ANGPTL6: variants seen among roughly 807,000 people sequenced by gnomAD.
ANGPTL6 encodes the protein angiopoietin like 6.
ANGPTL6 carries 45 observed loss-of-function variants against 47.4 expected under a neutral mutation model. The ratio of observed to expected loss-of-function variants is 0.95; its 90% CI spans 0.75 to 1.22. ANGPTL6 has a LOEUF of 1.22. Ranked by LOEUF, ANGPTL6 falls within the 50% of genes most tolerant of loss-of-function variation. The pLI is 0.00. For synonymous variants in ANGPTL6, 290 were observed against 295.9 expected (o/e 0.98, Z 0.20); for missense variants, 698 against 669.4 (o/e 1.04, Z -0.47).
At chr19:10,103,900 C>T (rs933783660), upstream of ANGPTL6, among the ~76,000 whole-genome samples, 3 of 151,264 alleles carry the variant, frequency 2.0e-5, no homozygotes, top group African/African-American at 7.2e-5. Flanking sequence ...CGAGACCAGC[C>T]TGGCCAAGAT....
At chr19:10,102,745 G>C, upstream of ANGPTL6, 1 of 984,678 alleles carries the variant, frequency 1.0e-6, no homozygotes, top group Non-Finnish European at 1.2e-6. Flanking sequence ...GTGGAGCTGG[G>C]ATGCTGGGCC....
chr19:10,096,352 C>T lies in ANGPTL6; in HGVS notation c.212G>A (p.Arg71His). 1 of 1,285,984 alleles carries T rather than the reference C, an allele frequency of 7.8e-7. No homozygotes were observed. Among genetic ancestry groups the T allele is most frequent in the Non-Finnish European group, 9.8e-7 (1 of 1,021,546 alleles). 79.7% of individuals were successfully genotyped at this position (1,285,984 alleles called of 1,614,324 possible). A position where few individuals can be genotyped will look rare whatever the true frequency, so the allele number is the denominator to read the frequency against. The change falls in exon 2 of 6, where the codon CGC becomes CAC. Residue 71 changes from arginine to histidine, a missense_variant. By Grantham distance (29) the Arg-to-His change is conservative. Transcript: ENST00000253109. ...ELAALRMRVG[R>H]HEELLRELQR... ...CAGCTCGCGTAACAGCTCCTCGTGG[C>T]GGCCGACGCGCATGCGCAGCGCCGC... is the stretch of plus-strand genomic sequence containing the variant.
chr19:10,105,616 G>T (rs887157824), upstream of ANGPTL6, among the ~76,000 whole-genome samples: 1 of 151,684 alleles, frequency 6.6e-6, no homozygotes, highest in Admixed American at 6.6e-5. Flanking sequence ...GGGAAGACGA[G>T]GGGGAGGGGA....
At chr19:10,105,863 T>C (rs2088807091), upstream of ANGPTL6, among the ~76,000 whole-genome samples, 1 of 152,138 alleles carries the variant, frequency 6.6e-6, no homozygotes, top group African/African-American at 2.4e-5. Flanking sequence ...TTCCAGAAGG[T>C]GATGTGGAGT....
rs746059420 is a variant in ANGPTL6, at chr19:10,093,516, C to A, written c.1055G>T (p.Trp352Leu). Residue 352 changes from tryptophan to leucine, a missense_variant, in exon 5 of 6, where the codon TGG becomes TTG. Coordinates refer to ENST00000253109, the MANE Select transcript of ANGPTL6 (RefSeq NM_031917.3). The part of the protein sequence containing the change: ...DHELLVLLED[W>L]GGRGARAHYD... ...GTGGGCACGTGCTCCACGGCCCCCCCAGTCCTCCAGGAGAACCAGCAGCTC... is the reference window on the plus strand; with the variant it reads ...GTGGGCACGTGCTCCACGGCCCCCCAAGTCCTCCAGGAGAACCAGCAGCTC... 8 of 1,614,210 alleles carry A rather than the reference C, an allele frequency of 5.0e-6. No individual in the cohort carries two copies. The highest frequency in any genetic ancestry group is 1.3e-5 in the African/African-American group (1 of 75,076).
At chr19:10,103,956 G>A (rs1285972378), upstream of ANGPTL6, among the ~76,000 whole-genome samples, 2 of 151,590 alleles carry the variant, frequency 1.3e-5, no homozygotes, top group Non-Finnish European at 2.9e-5. Context: ...TGCCGGGTGT[G>A]GTGGCCCATG....
Position 10,102,648 on chromosome 19 carries a change from G to T in ANGPTL6, c.-91C>A. On this transcript the variant is annotated 5_prime_UTR_variant, in exon 1 of 6. Coordinates refer to ENST00000253109, the MANE Select transcript of ANGPTL6 (RefSeq NM_031917.3). ...AAGGAAGAGCCGAGGGTCCAGTGGG[G>T]CCTCTGAGCTAGAGACGGGGAGAGG... The T allele has an allele frequency of 4.1e-6, 4 of 984,782 alleles. No individual in the cohort carries two copies. The highest frequency in any genetic ancestry group is 4.8e-6 in the Non-Finnish European group (4 of 829,472). The allele number at this position is 984,782 out of a possible 1,614,324, so 61.0% of individuals were successfully genotyped here.
chr19:10,102,394 C>T (rs1001632745), intron 1 of ANGPTL6, among the ~76,000 whole-genome samples, 174 bp downstream of exon 1: 2 of 151,236 alleles, frequency 1.3e-5, no homozygotes, highest in Non-Finnish European at 3.0e-5. Flanking sequence ...CATGCCCCAC[C>T]CCCCACAACA....
chr19:10,106,185 G>C (rs2088815652), upstream of ANGPTL6: 10 of 835,674 alleles, frequency 1.2e-5, no homozygotes, highest in South Asian at 1.7e-4. Context: ...GCCCGGAGCC[G>C]CGTAGCCCCG....
chr19:10,102,555 C>T lies in ANGPTL6; in HGVS notation c.-11+13G>A. The T allele has an allele frequency of 1.0e-6, 1 of 984,242 alleles. No homozygotes were observed. Among genetic ancestry groups the T allele is most frequent in the Non-Finnish European group, 1.2e-6 (1 of 828,968 alleles). The allele number at this position is 984,242 out of a possible 1,614,324, so 61.0% of individuals were successfully genotyped here. On this transcript the variant is annotated intron_variant, in intron 1 of 5. Coordinates refer to ENST00000253109, the MANE Select transcript of ANGPTL6 (RefSeq NM_031917.3). ...GTGAGAATCAACCTCCACCTACCTT[C>T]CCACCCTCTCACCTCTGATGCCCAA... is the stretch of plus-strand genomic sequence containing the variant.
At chr19:10,104,971 G>A (rs2088781103), upstream of ANGPTL6, among the ~76,000 whole-genome samples, 1 of 152,168 alleles carries the variant, frequency 6.6e-6, no homozygotes, top group South Asian at 2.1e-4. Context: ...ACGGAACTGG[G>A]GGAAGTAACC....
chr19:10,101,216 A>C (rs2088669726), intron 1 of ANGPTL6, among the ~76,000 whole-genome samples: 1 of 151,736 alleles, frequency 6.6e-6, no homozygotes, highest in Non-Finnish European at 1.5e-5. Context: ...CTCAAAAAAA[A>C]ATAAAATAGA....
intron 1 of ANGPTL6, among the ~76,000 whole-genome samples, chr19:10,100,576 G>A (rs1004774472): frequency 6.6e-5 from 10 of 152,112 alleles, no homozygotes; most frequent in African/African-American, 1.9e-4. Flanking sequence ...CACATATCCC[G>A]AGGGTCTCCA....
chr19:10,099,903 T>A (rs1234588703), intron 1 of ANGPTL6, among the ~76,000 whole-genome samples: 1 of 148,312 alleles, frequency 6.7e-6, no homozygotes, highest in East Asian at 2.0e-4. Context: ...TTTTTTTTTT[T>A]AGACGGAGTC....
upstream of ANGPTL6, among the ~76,000 whole-genome samples, chr19:10,103,324 C>G (rs1338693523): frequency 6.6e-6 from 1 of 151,802 alleles, no homozygotes; most frequent in East Asian, 1.9e-4. Flanking sequence ...GGTGCAGTGG[C>G]TCATGCCTGA....
At chr19:10,096,750 C>CA (rs2088555692) in intron 1 of ANGPTL6, among the ~76,000 whole-genome samples, 177 bp from the exon 2 acceptor site, 1 of 152,224 alleles carries the variant, frequency 6.6e-6, no homozygotes, top group Non-Finnish European at 1.5e-5. Flanking sequence ...CTGGCTTCAA[C>CA]ACCGAGCTCT....
upstream of ANGPTL6, among the ~76,000 whole-genome samples, chr19:10,103,670 AAAAT>A (rs1178870166): frequency 1.3e-5 from 2 of 151,104 alleles, no homozygotes; most frequent in Non-Finnish European, 3.0e-5. Flanking sequence ...ATTAAAATAA[AAAAT>A]AAATATAAAA....
upstream of ANGPTL6, among the ~76,000 whole-genome samples, chr19:10,104,061 G>A (rs1231187559): frequency 5.0e-5 from 6 of 119,220 alleles, no homozygotes; most frequent in South Asian, 2.6e-4. Context: ...CAGCCTGGGC[G>A]ACAGAGTAAG....
At chr19:10,094,402 T>C in intron 3 of ANGPTL6, 1 of 290,862 alleles carries the variant, frequency 3.4e-6, no homozygotes, top group African/African-American at 2.3e-5. Context: ...CGCCTCGGCC[T>C]CCCAAAGTGC....
Sources: gnomAD v4.1 joint callset for allele counts (sites outside exome capture counted in the v4.1 genomes callset) on GRCh38, gnomAD v4.1.1 for gene constraint, MANE v1.5 for transcripts, NCBI Gene and HGNC (gene_info 2026-07-23, HGNC 2026-07-21) for gene names.